TBC1D19: variants seen among roughly 807,000 people sequenced by gnomAD.
TBC1D19 encodes TBC1 domain family member 19, also known as TBC1 domain family, member 19.
A neutral mutation model predicts 89.0 loss-of-function variants in TBC1D19; 60 were observed. The ratio of observed to expected loss-of-function variants is 0.67; its 90% CI spans 0.55 to 0.84. The LOEUF (loss-of-function observed/expected upper bound fraction) is 0.84. Among genes scored for constraint, TBC1D19 ranks in the 40% least tolerant of loss-of-function variants. TBC1D19 has a pLI of 0.00. For synonymous variants in TBC1D19, 189 were observed against 199.7 expected, an observed-to-expected ratio of 0.95 and a Z score of 0.45; for missense variants, 500 against 610.8, an observed-to-expected ratio of 0.82 and a Z score of 1.91.
intron 7 of TBC1D19, among the ~76,000 whole-genome samples, chr4:26,651,551 C>T (rs1744383774): frequency 6.6e-6 from 1 of 152,090 alleles, no homozygotes; most frequent in South Asian, 2.1e-4. Context: ...GTGATTTTTG[C>T]ACATTGATTT....
Position 26,741,310 on chromosome 4 carries a change from T to A in TBC1D19, c.1228-1198T>A, listed in dbSNP as rs557499423. ...AGCGGAGCTTGCAGTGAGCCGAGAT[T>A]GCGCCACTACAGTCCGCAGTCCGGC... On this transcript the variant is annotated intron_variant, in intron 17 of 20. Transcript: ENST00000264866. 6.7e-3 allele frequency among the ~76,000 whole-genome samples: 940 copies of A among 140,464 alleles called. 9 individuals are homozygous for A. The highest frequency in any genetic ancestry group is 0.024 in the African/African-American group (901 of 37,252). The allele number at this position is 140,464 out of a possible 152,430, so 92.1% of individuals were successfully genotyped here. A position where few individuals can be genotyped will look rare whatever the true frequency, so the allele number is the denominator to read the frequency against.
the TBC1D19 span, among the ~76,000 whole-genome samples, chr4:26,819,309 G>T: frequency 6.6e-6 from 1 of 152,190 alleles, no homozygotes; most frequent in African/African-American, 2.4e-5. Context: ...TCCCCTGGTG[G>T]GAATGACTGC....
intron 7 of TBC1D19, among the ~76,000 whole-genome samples, chr4:26,658,745 T>A (rs1184904509): frequency 5.3e-5 from 8 of 152,210 alleles, no homozygotes; most frequent in African/African-American, 1.9e-4. Context: ...TTTGTTTGTG[T>A]CCTCTCTTAT....
chr4:26,706,770 A>G (rs1307469799), intron 13 of TBC1D19, among the ~76,000 whole-genome samples: 1 of 151,650 alleles, frequency 6.6e-6, no homozygotes, highest in Non-Finnish European at 1.5e-5. Flanking sequence ...TTTCTCTTAT[A>G]ATTTCTTCTT....
intron 13 of TBC1D19, among the ~76,000 whole-genome samples, chr4:26,691,353 G>T (rs1048982594): frequency 6.6e-6 from 1 of 152,148 alleles, no homozygotes; most frequent in African/African-American, 2.4e-5. Flanking sequence ...GGGTTCAAGC[G>T]AATTGACTCC....
At chr4:26,782,891 T>A in the TBC1D19 span, among the ~76,000 whole-genome samples, 4 of 152,046 alleles carry the variant, frequency 2.6e-5, no homozygotes, top group Admixed American at 1.3e-4. Flanking sequence ...TTTGTAAGTA[T>A]ATTTGAATTT....
chr4:26,661,149 C>A (rs1472839126), intron 8 of TBC1D19, among the ~76,000 whole-genome samples: 1 of 152,084 alleles, frequency 6.6e-6, no homozygotes, highest in South Asian at 2.1e-4. Flanking sequence ...CCTCCTCCCC[C>A]ACAGAAGACC....
downstream of TBC1D19, among the ~76,000 whole-genome samples, chr4:26,759,682 C>A (rs1221687209): frequency 6.6e-6 from 1 of 152,152 alleles, no homozygotes; most frequent in Non-Finnish European, 1.5e-5. Context: ...AGATTAGATT[C>A]ATCTTTTCTA....
At chr4:26,663,889 C>G (rs771333548) in intron 8 of TBC1D19, among the ~76,000 whole-genome samples, 1 of 152,150 alleles carries the variant, frequency 6.6e-6, no homozygotes, top group South Asian at 2.1e-4. Context: ...TAAGTAGACT[C>G]ATACATATTA....
At chr4:26,678,639 C>T (rs775914388) in intron 11 of TBC1D19, among the ~76,000 whole-genome samples, 2 of 151,392 alleles carry the variant, frequency 1.3e-5, no homozygotes, top group Non-Finnish European at 2.9e-5. Context: ...GGGAAACAAT[C>T]AGATATGCAT....
At chr4:26,654,578 T>G (rs899561150) in intron 7 of TBC1D19, among the ~76,000 whole-genome samples, 2 of 152,186 alleles carry the variant, frequency 1.3e-5, no homozygotes, top group Non-Finnish European at 2.9e-5. Flanking sequence ...GACATTTCTT[T>G]TCATTCTTTT....
upstream of TBC1D19, among the ~76,000 whole-genome samples, chr4:26,579,117 CCA>C (rs1396048402): frequency 6.6e-6 from 1 of 152,178 alleles, no homozygotes; most frequent in African/African-American, 2.4e-5. Context: ...TCAGTCTAAA[CCA>C]CACACAACCA....
chr4:26,702,217 C>T (rs917503613), intron 13 of TBC1D19: 1 of 152,118 alleles, frequency 6.6e-6, no homozygotes, highest in African/African-American at 2.4e-5. Context: ...GACTTACATG[C>T]AAGAAAACTT....
chr4:26,735,401 C>T, intron 15 of TBC1D19, 54 bp from the exon 16 acceptor site: 1 of 1,387,126 alleles, frequency 7.2e-7, no homozygotes, highest in Non-Finnish European at 9.8e-7. Flanking sequence ...TAAAGCTTAC[C>T]TAATAATCAG....
intron 20 of TBC1D19, 124 bp from the exon 21 acceptor site, chr4:26,754,749 T>C (rs1719175120): frequency 6.0e-6 from 4 of 665,882 alleles, no homozygotes; most frequent in Middle Eastern, 4.4e-4. Context: ...GTTGTAGCTT[T>C]AGTATTAAGA....
chr4:26,695,354 CTG>C (rs1714678560), intron 13 of TBC1D19, among the ~76,000 whole-genome samples: 1 of 152,114 alleles, frequency 6.6e-6, no homozygotes, highest in Non-Finnish European at 1.5e-5. Flanking sequence ...AAATATGGGA[CTG>C]TGTGAAAAGA....
intron 13 of TBC1D19, among the ~76,000 whole-genome samples, chr4:26,706,036 C>CT (rs540914718): frequency 1.9e-4 from 29 of 152,276 alleles, no homozygotes; most frequent in African/African-American, 6.7e-4. Flanking sequence ...CCTCAACTCT[C>CT]TGAGTATCTG....
chr4:26,762,893 C>G, the TBC1D19 span, among the ~76,000 whole-genome samples: 2 of 152,086 alleles, frequency 1.3e-5, no homozygotes, highest in African/African-American at 4.8e-5. Context: ...CTCCCATGAC[C>G]CTCCAGAAGG....
At chr4:26,707,155 C>A (rs948458071) in intron 13 of TBC1D19, among the ~76,000 whole-genome samples, 1 of 151,974 alleles carries the variant, frequency 6.6e-6, no homozygotes, top group Admixed American at 6.6e-5. Flanking sequence ...TCCACTGTTA[C>A]ACTAGAATTG....
Sources: allele counts gnomAD v4.1 joint callset (sites outside exome capture counted in the v4.1 genomes callset), GRCh38; gene constraint gnomAD v4.1.1; transcripts MANE v1.5; gene names NCBI Gene and HGNC (gene_info 2026-07-23, HGNC 2026-07-21).